MAST2: variants seen among roughly 807,000 people sequenced by gnomAD.
The protein encoded by MAST2 is microtubule-associated serine/threonine-protein kinase 2.
A neutral mutation model predicts 147.4 loss-of-function variants in MAST2; 70 were observed. That is an observed-to-expected ratio of 0.47 (90% CI 0.39 to 0.58). The LOEUF (loss-of-function observed/expected upper bound fraction) is 0.58. Among genes scored for constraint, MAST2 ranks in the 20% least tolerant of loss-of-function variants. The probability of loss-of-function intolerance (pLI) is 0.00; values close to 1 mark genes in which losing one functional copy is unlikely to be tolerated. For synonymous variants in MAST2, 869 were observed against 896.8 expected (o/e 0.97, Z 0.55); for missense variants, 2,080 against 2,302.3 (o/e 0.90, Z 1.98).
intron 4 of MAST2, among the ~76,000 whole-genome samples, chr1:45,920,179 G>T (rs1390862738): frequency 6.6e-6 from 1 of 152,078 alleles, no homozygotes; most frequent in Non-Finnish European, 1.5e-5. Flanking sequence ...CCCTGAAGAG[G>T]GTACCTGCTC....
intron 4 of MAST2, 35 bp from the exon 5 acceptor site, chr1:45,959,351 G>A (rs1450149642): frequency 6.4e-7 from 1 of 1,551,902 alleles, no homozygotes; most frequent in East Asian, 2.2e-5. Flanking sequence ...CCATGGTGTG[G>A]CCCTATTATA....
chr1:45,821,336 G>A (rs1215706417), intron 1 of MAST2, among the ~76,000 whole-genome samples: 7 of 152,088 alleles, frequency 4.6e-5, no homozygotes, highest in Non-Finnish European at 8.8e-5. Context: ...TATTTGACAA[G>A]TTGCTTTTCT....
intron 3 of MAST2, among the ~76,000 whole-genome samples, chr1:45,846,671 A>G (rs1229199043): frequency 6.6e-6 from 1 of 151,898 alleles, no homozygotes; most frequent in Non-Finnish European, 1.5e-5. Context: ...AAAACACAAA[A>G]CAAATTAGCT....
intron 2 of MAST2, among the ~76,000 whole-genome samples, chr1:45,825,331 A>G (rs998831878): frequency 1.3e-5 from 2 of 151,078 alleles, no homozygotes; most frequent in African/African-American, 4.9e-5. Flanking sequence ...AGCCTCTTAT[A>G]TTTAAATTTT....
intron 4 of MAST2, among the ~76,000 whole-genome samples, chr1:45,919,475 CTA>C (rs1653098186): frequency 6.6e-6 from 1 of 152,230 alleles, no homozygotes; most frequent in African/African-American, 2.4e-5. Context: ...ACCTGAAAAA[CTA>C]AAAGTTTAAG....
chr1:45,905,256 A>T (rs151309131), intron 4 of MAST2, among the ~76,000 whole-genome samples: 85 of 148,448 alleles, frequency 5.7e-4, no homozygotes, highest in African/African-American at 2.0e-3. Context: ...AGCTCACTGC[A>T]ACCTCCACCT....
intron 4 of MAST2, among the ~76,000 whole-genome samples, chr1:45,921,529 CG>C (rs1653485826): frequency 6.6e-6 from 1 of 152,164 alleles, no homozygotes; most frequent in Admixed American, 6.5e-5. Flanking sequence ...GCATAGGGTC[CG>C]GCCACTGCAC....
intron 5 of MAST2, among the ~76,000 whole-genome samples, chr1:45,994,274 CTTTTTTTTT>C (rs869216588): frequency 4.8e-5 from 3 of 62,028 alleles, no homozygotes; most frequent in South Asian, 8.4e-4. Flanking sequence ...CCCTAACCCT[CTTTTTTTTT>C]TTTTTTTTTT....
chr1:45,890,757 C>CAGT (rs1160345040), intron 4 of MAST2, among the ~76,000 whole-genome samples: 1 of 152,286 alleles, frequency 6.6e-6, no homozygotes, highest in East Asian at 1.9e-4. Context: ...ATCCCAGAGC[C>CAGT]TACTATAGAG....
intron 6 of MAST2, chr1:46,000,961 A>G (rs1028285766): frequency 1.6e-6 from 2 of 1,289,678 alleles, no homozygotes; most frequent in Non-Finnish European, 2.0e-6. Flanking sequence ...TACTACAGCC[A>G]TAGCCACAGA....
Position 46,023,051 on chromosome 1 carries a change from T to TTC in MAST2, c.1485+80_1485+81insTC. ...GAGCTATGAATTCTCTTTAAGAGAA[T>TTC]ATCTGAGGAAGGGATGGGGGAGTTG... On this transcript the variant is annotated intron_variant, in intron 13 of 28. Coordinates refer to ENST00000361297, the MANE Select transcript of MAST2 (RefSeq NM_015112.3). This position sits in a 1 kb window ranked among gnomAD's most constrained non-coding sequence, Gnocchi z 4.9. The TTC allele has an allele frequency of 2.8e-6, 4 of 1,413,406 alleles. No homozygotes were observed. Among genetic ancestry groups the TTC allele is most frequent in the Non-Finnish European group, 3.0e-6 (3 of 1,002,950 alleles). 87.6% of individuals were successfully genotyped at this position (1,413,406 alleles called of 1,614,324 possible). A position where few individuals can be genotyped will look rare whatever the true frequency, so the allele number is the denominator to read the frequency against.
rs1269084008 is a variant in MAST2, at chr1:46,030,743, T to C, written c.2690T>C (p.Val897Ala). Residue 897 changes from valine (V) to alanine (A), a missense_variant, in exon 22 of 29, where the codon GTG becomes GCG. Around this residue, in one of 4 missense-constraint regions of MAST2, gnomAD observed 1,278 missense variants for 1,304.2 expected, o/e 0.98. Transcript: ENST00000361297. The part of the protein sequence containing the change: ...AGLKGRDRSW[V>A]IGSPEILRKR... The stretch of plus-strand genomic sequence containing the variant: ...CTCAAAGGCCGAGACCGGAGCTGGG[T>C]GATTGGCTCCCCTGAGATGTGAGCA... The C allele has an allele frequency of 1.9e-6, 3 of 1,586,908 alleles. No individual in the cohort carries two copies. The highest frequency in any genetic ancestry group is 2.6e-6 in the Non-Finnish European group (3 of 1,170,440).
intron 3 of MAST2, among the ~76,000 whole-genome samples, chr1:45,851,821 T>C (rs2147994277): frequency 6.6e-6 from 1 of 152,252 alleles, no homozygotes; most frequent in Non-Finnish European, 1.5e-5. Context: ...CAAATAGAAT[T>C]AATGGACTAT....
intron 4 of MAST2, among the ~76,000 whole-genome samples, chr1:45,943,753 T>A (rs1225547511): frequency 4.0e-5 from 6 of 151,808 alleles, no homozygotes; most frequent in Non-Finnish European, 8.8e-5. Flanking sequence ...TCTCAAAAAA[T>A]AAATAAATAA....
At chr1:45,949,363 C>G (rs749169317) in intron 4 of MAST2, among the ~76,000 whole-genome samples, 5 of 152,064 alleles carry the variant, frequency 3.3e-5, no homozygotes, top group Non-Finnish European at 7.4e-5. Context: ...GGAACTTAAA[C>G]AAATTTACAG....
intron 4 of MAST2, among the ~76,000 whole-genome samples, chr1:45,883,956 G>T (rs1182827386): frequency 8.3e-6 from 1 of 120,778 alleles, no homozygotes; most frequent in Non-Finnish European, 1.6e-5. Context: ...AAAACTGCCT[G>T]AGATTTGCCT....
At chr1:45,805,574 C>T (rs1470061425) in intron 1 of MAST2, among the ~76,000 whole-genome samples, 2 of 152,200 alleles carry the variant, frequency 1.3e-5, no homozygotes, top group East Asian at 3.8e-4. Context: ...AGTCCAGGTC[C>T]TTTCCTGTCT....
At chr1:45,807,013 T>G (rs577140693) in intron 1 of MAST2, among the ~76,000 whole-genome samples, 1 of 152,354 alleles carries the variant, frequency 6.6e-6, no homozygotes, top group African/African-American at 2.4e-5. Context: ...GTTTTTCAAA[T>G]TGAAATATAA....
chr1:45,855,499 G>A (rs894185837), intron 3 of MAST2, among the ~76,000 whole-genome samples: 3 of 151,846 alleles, frequency 2.0e-5, no homozygotes, highest in African/African-American at 7.3e-5. Flanking sequence ...GTATTTTCAT[G>A]CTGCTTGCCA....
Sources: allele counts gnomAD v4.1 joint callset (sites outside exome capture counted in the v4.1 genomes callset), GRCh38; gene constraint gnomAD v4.1.1; regional missense constraint gnomAD v4.1.1; non-coding constraint Gnocchi (gnomAD v3.1); transcripts MANE v1.5; gene names NCBI Gene and HGNC (gene_info 2026-07-23, HGNC 2026-07-21).